Variants in LARGE1 observed in about 807,000 individuals in gnomAD.
LARGE1 encodes LARGE xylosyl- and glucuronyltransferase 1.
In LARGE1, 43 loss-of-function variants were observed where a neutral mutation model predicts 87.6. The ratio of observed to expected loss-of-function variants is 0.49; its 90% CI spans 0.38 to 0.63. LARGE1 has a LOEUF of 0.63. Ranked by LOEUF, LARGE1 falls within the 30% of genes least tolerant of loss-of-function variation. The pLI is 0.00. For missense variants in LARGE1, 802 were observed against 1,000.2 expected (o/e 0.80, Z 2.67); for synonymous variants, 434 against 394.6 (o/e 1.10, Z -1.18).
intron 1 of LARGE1, among the ~76,000 whole-genome samples, chr22:33,847,472 T>C (rs1189605241): frequency 6.6e-6 from 1 of 152,260 alleles, no homozygotes; most frequent in East Asian, 1.9e-4. Context: ...TAAAAAATCA[T>C]AATTCCATAA....
At chr22:33,445,718 C>T (rs1420628028) in intron 6 of LARGE1, among the ~76,000 whole-genome samples, 9 of 149,512 alleles carry the variant, frequency 6.0e-5, no homozygotes, top group East Asian at 4.0e-4. Flanking sequence ...GGCGGGATCT[C>T]GGCTCACTGC....
the LARGE1 span, among the ~76,000 whole-genome samples, chr22:33,080,821 C>A: frequency 6.6e-6 from 1 of 152,198 alleles, no homozygotes; most frequent in African/African-American, 2.4e-5. Context: ...TTCTGAGGCA[C>A]TGAACCTCGG....
chr22:33,918,662 C>A (rs1366958666), intron 1 of LARGE1, among the ~76,000 whole-genome samples: 2 of 152,210 alleles, frequency 1.3e-5, no homozygotes, highest in Non-Finnish European at 2.9e-5. Context: ...GAAACAACCA[C>A]CACTTGTTCC....
chr22:33,288,059 G>C (rs62227562), intron 12 of LARGE1, among the ~76,000 whole-genome samples: 65 of 152,286 alleles, frequency 4.3e-4, no homozygotes, highest in Admixed American at 9.2e-4. Flanking sequence ...CATTAAGCAC[G>C]GGGTACATGA....
chr22:33,830,630 TG>T (rs1166413537), intron 1 of LARGE1, among the ~76,000 whole-genome samples: 1 of 152,174 alleles, frequency 6.6e-6, no homozygotes, highest in Admixed American at 6.5e-5. Flanking sequence ...CAAGCAAAGC[TG>T]ATACAAGCAA....
chr22:33,636,489 T>C (rs898683592), intron 3 of LARGE1, among the ~76,000 whole-genome samples: 1 of 152,166 alleles, frequency 6.6e-6, no homozygotes, highest in Admixed American at 6.5e-5. Flanking sequence ...TAACTCCACC[T>C]CTTGGGACCT....
intron 11 of LARGE1, among the ~76,000 whole-genome samples, chr22:33,207,249 C>T (rs1924730539): frequency 6.6e-6 from 1 of 152,164 alleles, no homozygotes; most frequent in Admixed American, 6.5e-5. Context: ...ATTACCATTC[C>T]CTTTTCCTCC....
At chr22:33,251,886 T>C (rs566438713) in intron 11 of LARGE1, among the ~76,000 whole-genome samples, 3 of 152,326 alleles carry the variant, frequency 2.0e-5, no homozygotes, top group South Asian at 2.1e-4. Flanking sequence ...ATCTACCCAG[T>C]TGAGTGAACA....
chr22:33,220,224 C>A (rs928965479), intron 11 of LARGE1, among the ~76,000 whole-genome samples: 4 of 152,142 alleles, frequency 2.6e-5, no homozygotes, highest in African/African-American at 9.7e-5. Flanking sequence ...GAGTTTGCTG[C>A]CAGCTCAAGC....
the LARGE1 span, among the ~76,000 whole-genome samples, chr22:33,072,778 A>G: frequency 6.6e-6 from 1 of 152,070 alleles, no homozygotes; most frequent in African/African-American, 2.4e-5. Context: ...TCTAAATCCA[A>G]ACTCAGTGTC....
intron 5 of LARGE1, among the ~76,000 whole-genome samples, chr22:33,568,635 G>A (rs1280855554): frequency 1.3e-5 from 2 of 151,940 alleles, no homozygotes; most frequent in African/African-American, 4.8e-5. Flanking sequence ...GTGTGGTGGT[G>A]CATGTCTGTA....
intron 1 of LARGE1, among the ~76,000 whole-genome samples, chr22:33,916,291 G>A (rs2065785160): frequency 1.3e-5 from 2 of 151,156 alleles, no homozygotes; most frequent in South Asian, 4.2e-4. Flanking sequence ...AAAAAAAAAA[G>A]AAAAAACAAA....
chr22:33,090,452 C>T, the LARGE1 span, among the ~76,000 whole-genome samples: 1 of 152,094 alleles, frequency 6.6e-6, no homozygotes, highest in Non-Finnish European at 1.5e-5. Flanking sequence ...GAGCACTGGG[C>T]ACAAGCTTGG....
At chr22:33,656,592 G>A (rs1163059295) in intron 2 of LARGE1, among the ~76,000 whole-genome samples, 1 of 152,094 alleles carries the variant, frequency 6.6e-6, no homozygotes, top group Non-Finnish European at 1.5e-5. Context: ...AATCCCCTGC[G>A]TGTAAGTGCC....
intron 11 of LARGE1, among the ~76,000 whole-genome samples, chr22:33,186,188 C>T (rs561215986): frequency 2.0e-5 from 3 of 152,094 alleles, no homozygotes; most frequent in African/African-American, 7.2e-5. Flanking sequence ...CAGAATAATA[C>T]TGATACCAAA....
At chr22:33,619,441 G>A (rs1486122224) in intron 4 of LARGE1, among the ~76,000 whole-genome samples, 3 of 151,288 alleles carry the variant, frequency 2.0e-5, no homozygotes, top group African/African-American at 7.3e-5. Context: ...TGTAATCCCA[G>A]ATAGTTGGGA....
chr22:33,318,737 T>TA (rs1305356453), intron 10 of LARGE1, among the ~76,000 whole-genome samples: 1 of 151,642 alleles, frequency 6.6e-6, no homozygotes, highest in Non-Finnish European at 1.5e-5. Context: ...CCCTAAAACT[T>TA]AAAGTATATT....
At chr22:33,203,424 A>G (rs1924513512) in intron 11 of LARGE1, among the ~76,000 whole-genome samples, 1 of 152,064 alleles carries the variant, frequency 6.6e-6, no homozygotes, top group Non-Finnish European at 1.5e-5. Flanking sequence ...CTGTGTTCAG[A>G]TACTGGGAAC....
chr22:33,329,473 G>A (rs1937513685), intron 10 of LARGE1, among the ~76,000 whole-genome samples: 1 of 151,876 alleles, frequency 6.6e-6, no homozygotes, highest in South Asian at 2.1e-4. Flanking sequence ...TGGAAAGAAG[G>A]AACAAGGAGG....
Sources: gnomAD v4.1 joint callset for allele counts (sites outside exome capture counted in the v4.1 genomes callset) on GRCh38, gnomAD v4.1.1 for gene constraint, MANE v1.5 for transcripts, NCBI Gene and HGNC (gene_info 2026-07-23, HGNC 2026-07-21) for gene names.